Variants in SLC9A2 observed in about 807,000 individuals in gnomAD.
The protein encoded by SLC9A2 is solute carrier family 9 member A2, also known as sodium/hydrogen exchanger 2.
SLC9A2 carries 42 observed loss-of-function variants against 71.7 expected under a neutral mutation model. The observed-to-expected ratio is 0.59, with a 90% CI of 0.46 to 0.76. The LOEUF (loss-of-function observed/expected upper bound fraction) is 0.76. Among genes scored for constraint, SLC9A2 ranks in the 30% least tolerant of loss-of-function variants. The pLI is 0.00. For synonymous variants in SLC9A2, 396 were observed against 392.5 expected (o/e 1.01, Z -0.10); for missense variants, 829 against 1,017.4 (o/e 0.81, Z 2.52).
At chr2:102,694,592 TGAA>T in intron 6 of SLC9A2, 89 bp downstream of exon 6, 2 of 581,352 alleles carry the variant, frequency 3.4e-6, no homozygotes, top group Admixed American at 2.8e-5. Flanking sequence ...GTCCATTTCC[TGAA>T]GAAGAAGGGA....
intron 1 of SLC9A2, among the ~76,000 whole-genome samples, chr2:102,639,881 AC>A (rs1426644277): frequency 1.3e-5 from 2 of 152,254 alleles, no homozygotes; most frequent in Non-Finnish European, 2.9e-5. Context: ...TGAAATTGAG[AC>A]AAACATAGAA....
intron 7 of SLC9A2, among the ~76,000 whole-genome samples, chr2:102,698,332 C>T (rs143164039): frequency 0.012 from 1,870 of 152,292 alleles, 39 homozygotes; most frequent in African/African-American, 0.043. Flanking sequence ...AGGTTAACAT[C>T]GATTCCTTCC....
At chr2:102,643,289 C>T (rs1401468557) in intron 1 of SLC9A2, among the ~76,000 whole-genome samples, 1 of 152,126 alleles carries the variant, frequency 6.6e-6, no homozygotes, top group Non-Finnish European at 1.5e-5. Context: ...TGACACCACC[C>T]CAATAGAAAA....
intron 2 of SLC9A2, among the ~76,000 whole-genome samples, chr2:102,658,742 C>T (rs1274322662): frequency 1.3e-5 from 2 of 152,116 alleles, no homozygotes; most frequent in South Asian, 4.2e-4. Context: ...TTTACTTCTA[C>T]CCTGCCTTCT....
intron 3 of SLC9A2, among the ~76,000 whole-genome samples, chr2:102,669,537 C>T (rs536224332): frequency 7.9e-4 from 121 of 152,212 alleles, no homozygotes; most frequent in African/African-American, 2.9e-3. Context: ...CCCCTTAAAC[C>T]AGAAACTTCA....
At chr2:102,627,142 CAACAACAACAAT>C (rs1003418967) in intron 1 of SLC9A2, among the ~76,000 whole-genome samples, 4 of 121,510 alleles carry the variant, frequency 3.3e-5, no homozygotes, top group East Asian at 8.5e-4. Flanking sequence ...ACAACAACAA[CAACAACAACAAT>C]AACAACAACA....
intron 5 of SLC9A2, chr2:102,686,723 G>A: frequency 6.6e-6 from 1 of 152,496 alleles, no homozygotes; most frequent in Non-Finnish European, 1.5e-5. Flanking sequence ...AAGGATGACT[G>A]CTAACTCTTG....
intron 10 of SLC9A2, 33 bp downstream of exon 10, chr2:102,704,708 G>T: frequency 6.3e-7 from 1 of 1,599,020 alleles, no homozygotes; most frequent in Non-Finnish European, 8.5e-7. Flanking sequence ...GAGACTTCCA[G>T]GGGTGGAGCC....
intron 5 of SLC9A2, among the ~76,000 whole-genome samples, chr2:102,686,109 T>A (rs138151399): frequency 3.9e-4 from 59 of 152,348 alleles, no homozygotes; most frequent in African/African-American, 1.3e-3. Context: ...AGTCACAGAA[T>A]GCTTTCTAGG....
intron 3 of SLC9A2, among the ~76,000 whole-genome samples, chr2:102,670,315 C>G (rs796069668): frequency 3.3e-5 from 5 of 151,936 alleles, no homozygotes; most frequent in Non-Finnish European, 1.5e-5. Context: ...CACGCCCGGC[C>G]GTGCCCAGTA....
chr2:102,705,774 C>A, intron 10 of SLC9A2, 72 bp from the exon 11 acceptor site: 2 of 892,162 alleles, frequency 2.2e-6, no homozygotes, highest in South Asian at 2.0e-5. Context: ...TTTTGCTATA[C>A]AATTTTTAAT....
chr2:102,669,513 GA>G (rs1677204446), intron 3 of SLC9A2, among the ~76,000 whole-genome samples: 1 of 152,126 alleles, frequency 6.6e-6, no homozygotes, highest in Non-Finnish European at 1.5e-5. Context: ...GTAGTAAAGG[GA>G]AAGTTTCCAT....
chr2:102,680,710 C>T (rs1677436377), intron 3 of SLC9A2, among the ~76,000 whole-genome samples: 1 of 152,148 alleles, frequency 6.6e-6, no homozygotes, highest in African/African-American at 2.4e-5. Context: ...CTGGAACCTG[C>T]TAATATGTTA....
At chr2:102,701,840 A>C (rs1677879930) in intron 8 of SLC9A2, among the ~76,000 whole-genome samples, 2 of 152,230 alleles carry the variant, frequency 1.3e-5, no homozygotes, top group Non-Finnish European at 2.9e-5. Flanking sequence ...CAAGTGACTC[A>C]AATTTTTTGT....
intron 1 of SLC9A2, among the ~76,000 whole-genome samples, chr2:102,645,862 A>G (rs765752511): frequency 1.3e-5 from 2 of 152,206 alleles, no homozygotes; most frequent in Non-Finnish European, 2.9e-5. Flanking sequence ...GAATGTAATC[A>G]AGGTGGAAAA....
In SLC9A2 at chr2:102,660,767, T is replaced by G. The variant is rs370098858; in HGVS notation, c.753+2740T>G. 6.6e-5 allele frequency among the ~76,000 whole-genome samples: 10 copies of G among 152,082 alleles called. No individual in the cohort carries two copies. The East Asian group carries it at 1.7e-3, about 26-fold the overall frequency. ...GCAAATAGAAGAATAGGGGTTAGTT[T>G]AAGGAACTCACGGACTTTGGAAAGG... On this transcript the variant is annotated intron_variant, in intron 2 of 11. Coordinates refer to ENST00000233969, the MANE Select transcript of SLC9A2 (RefSeq NM_003048.6).
chr2:102,625,606 T>C (rs1676232206), intron 1 of SLC9A2, among the ~76,000 whole-genome samples: 1 of 152,060 alleles, frequency 6.6e-6, no homozygotes, highest in Non-Finnish European at 1.5e-5. Flanking sequence ...TTGCTGAGAA[T>C]GATGGTTTCC....
chr2:102,643,419 A>G (rs1200080482), intron 1 of SLC9A2, among the ~76,000 whole-genome samples: 1 of 152,170 alleles, frequency 6.6e-6, no homozygotes, highest in East Asian at 1.9e-4. Flanking sequence ...GTTATTGTGT[A>G]AAACTTCTGT....
chr2:102,646,688 C>G lies in SLC9A2; in HGVS notation c.290-10876C>G, dbSNP rs371217019. 1.2e-3 allele frequency among the ~76,000 whole-genome samples: 186 copies of G among 150,320 alleles called. 3 individuals are homozygous for G. The highest frequency in any genetic ancestry group is 4.3e-3 in the African/African-American group (176 of 40,652). ...GTCTCTGATAAAACAGACTTTAAAC[C>G]AACAAAGATCAAAAAAGACAAAGAA... On this transcript the variant is annotated intron_variant, in intron 1 of 11. Coordinates refer to ENST00000233969, the MANE Select transcript of SLC9A2 (RefSeq NM_003048.6).
Sources: allele counts gnomAD v4.1 joint callset (sites outside exome capture counted in the v4.1 genomes callset), GRCh38; gene constraint gnomAD v4.1.1; transcripts MANE v1.5; gene names NCBI Gene and HGNC (gene_info 2026-07-23, HGNC 2026-07-21).